PDS5B: variants seen among roughly 807,000 people sequenced by gnomAD.
The protein encoded by PDS5B is sister chromatid cohesion protein PDS5 homolog B.
PDS5B carries 51 observed loss-of-function variants against 184.1 expected under a neutral mutation model. The ratio of observed to expected loss-of-function variants is 0.28; its 90% CI spans 0.22 to 0.35. The LOEUF (loss-of-function observed/expected upper bound fraction) is 0.35. Among genes scored for constraint, PDS5B ranks in the 10% least tolerant of loss-of-function variants. The pLI is 1.00. For synonymous variants in PDS5B, 566 were observed against 569.2 expected (o/e 0.99, Z 0.08); for missense variants, 1,180 against 1,723.3 (o/e 0.68, Z 5.58).
chr13:32,732,055 G>A (rs750344905), intron 19 of PDS5B, 46 bp from the exon 20 acceptor site: 3 of 1,513,094 alleles, frequency 2.0e-6, no homozygotes, highest in African/African-American at 2.8e-5. Context: ...CAGAAGTCTT[G>A]TTGATTTTTC....
At chr13:32,725,274 A>G (rs937924920) in intron 19 of PDS5B, among the ~76,000 whole-genome samples, 3 of 152,210 alleles carry the variant, frequency 2.0e-5, no homozygotes, top group African/African-American at 4.8e-5. Context: ...TAAAAAAATC[A>G]TAACGGGTTT....
At chr13:32,659,085 A>G (rs1000808314) in intron 5 of PDS5B, 69 bp from the exon 6 acceptor site, 3 of 1,115,852 alleles carry the variant, frequency 2.7e-6, no homozygotes, top group East Asian at 2.6e-5. Flanking sequence ...AATGCTTGTC[A>G]GTGTCATCTT....
At chr13:32,591,675 A>G (rs930012417) in intron 1 of PDS5B, among the ~76,000 whole-genome samples, 31 of 152,228 alleles carry the variant, frequency 2.0e-4, no homozygotes, top group African/African-American at 6.7e-4. Flanking sequence ...GATATATGAA[A>G]TTTGTCTTGT....
intron 1 of PDS5B, among the ~76,000 whole-genome samples, chr13:32,615,479 G>A (rs961437368): frequency 6.6e-6 from 1 of 152,160 alleles, no homozygotes; most frequent in Non-Finnish European, 1.5e-5. Flanking sequence ...TATAAAGCAT[G>A]TGTATTGAAT....
intron 3 of PDS5B, among the ~76,000 whole-genome samples, chr13:32,654,697 G>A (rs1229546966): frequency 2.0e-5 from 3 of 152,016 alleles, no homozygotes; most frequent in Admixed American, 1.3e-4. Context: ...ACCCTCCACC[G>A]TCAAGAAGAT....
intron 22 of PDS5B, 65 bp from the exon 23 acceptor site, chr13:32,742,526 A>G: frequency 7.3e-7 from 1 of 1,372,466 alleles, no homozygotes; most frequent in Non-Finnish European, 1.0e-6. Context: ...TTTTTAAAAA[A>G]AGTTGATACA....
At chr13:32,656,363 T>A (rs904841031) in intron 3 of PDS5B, among the ~76,000 whole-genome samples, 1 of 148,800 alleles carries the variant, frequency 6.7e-6, no homozygotes, top group African/African-American at 2.4e-5. Flanking sequence ...TTTTTCTAAT[T>A]TTGTGAAGAA....
At chr13:32,619,030 C>G (rs934755384) in intron 1 of PDS5B, among the ~76,000 whole-genome samples, 1 of 150,750 alleles carries the variant, frequency 6.6e-6, no homozygotes, top group Non-Finnish European at 1.5e-5. Context: ...ACCGTCATAC[C>G]ACACTTCCTT....
intron 1 of PDS5B, among the ~76,000 whole-genome samples, chr13:32,635,156 G>C (rs2058521738): frequency 8.3e-6 from 1 of 120,626 alleles, no homozygotes; most frequent in African/African-American, 3.1e-5. Context: ...GCACCACCAT[G>C]TCCAGCCAAT....
intron 1 of PDS5B, among the ~76,000 whole-genome samples, chr13:32,642,203 C>CT (rs1950114234): frequency 6.6e-6 from 1 of 152,120 alleles, no homozygotes; most frequent in Admixed American, 6.5e-5. Flanking sequence ...TCTAGCTCTA[C>CT]TTTTTGCTGT....
intron 10 of PDS5B, among the ~76,000 whole-genome samples, chr13:32,680,033 G>GT (rs1212107524): frequency 6.6e-6 from 1 of 151,982 alleles, no homozygotes; most frequent in East Asian, 1.9e-4. Context: ...ATGGTAGGTA[G>GT]TTTTTTGGGG....
At chr13:32,665,245 G>T (rs564508097) in intron 6 of PDS5B, among the ~76,000 whole-genome samples, 2 of 152,258 alleles carry the variant, frequency 1.3e-5, no homozygotes, top group Admixed American at 6.5e-5. Flanking sequence ...AATTACAGGT[G>T]CAATAAAGGT....
At chr13:32,591,193 A>G (rs963681160) in intron 1 of PDS5B, among the ~76,000 whole-genome samples, 46 of 152,064 alleles carry the variant, frequency 3.0e-4, no homozygotes, top group African/African-American at 1.1e-3. Flanking sequence ...CAGTGGGGCA[A>G]TCTTGGCTCA....
intron 1 of PDS5B, among the ~76,000 whole-genome samples, chr13:32,595,345 A>C (rs554273938): frequency 1.3e-5 from 2 of 152,132 alleles, no homozygotes; most frequent in Admixed American, 6.5e-5. Context: ...ATATGCACAT[A>C]TATACTCCAA....
intron 1 of PDS5B, among the ~76,000 whole-genome samples, chr13:32,592,118 C>T: frequency 6.6e-6 from 1 of 152,192 alleles, no homozygotes; most frequent in East Asian, 1.9e-4. Context: ...CCTGTCTCAT[C>T]ACTTCTCCCT....
At chr13:32,586,770 C>A (rs1188651819) in intron 1 of PDS5B, among the ~76,000 whole-genome samples, 177 bp downstream of exon 1, 1 of 147,456 alleles carries the variant, frequency 6.8e-6, no homozygotes, top group Non-Finnish European at 1.5e-5. Context: ...CGGGTGGCTG[C>A]CTGGCGGTGG....
chr13:32,696,039 T>C (rs1951693267), intron 14 of PDS5B, among the ~76,000 whole-genome samples: 1 of 152,134 alleles, frequency 6.6e-6, no homozygotes, highest in South Asian at 2.1e-4. Context: ...CTTACATGTT[T>C]CTAGACAGCT....
chr13:32,680,111 T>C (rs1323744947), intron 10 of PDS5B, among the ~76,000 whole-genome samples: 1 of 152,208 alleles, frequency 6.6e-6, no homozygotes, highest in African/African-American at 2.4e-5. Context: ...TTTGCTTTTG[T>C]CTTTTTTTCC....
chr13:32,601,479 G>C (rs759318208), intron 1 of PDS5B, among the ~76,000 whole-genome samples: 10 of 152,210 alleles, frequency 6.6e-5, no homozygotes, highest in Admixed American at 2.0e-4. Flanking sequence ...TGGTGAAAGG[G>C]ATAGCCATAT....
Sources: allele counts gnomAD v4.1 joint callset (sites outside exome capture counted in the v4.1 genomes callset), GRCh38; gene constraint gnomAD v4.1.1; transcripts MANE v1.5; gene names NCBI Gene and HGNC (gene_info 2026-07-23, HGNC 2026-07-21).